The following RIPOR3 variants were observed in gnomAD, a reference collection of about 807,000 sequenced individuals.
RIPOR3 encodes the protein RIPOR family member 3.
RIPOR3 carries 95 observed loss-of-function variants against 114.3 expected under a neutral mutation model. The observed-to-expected ratio is 0.83, with a 90% confidence interval of 0.70 to 0.99. The LOEUF (loss-of-function observed/expected upper bound fraction) is 0.99. Ranked by LOEUF, RIPOR3 falls within the 50% of genes least tolerant of loss-of-function variation. RIPOR3 has a pLI of 0.00. For synonymous variants in RIPOR3, 575 were observed against 543.8 expected, an observed-to-expected ratio of 1.06 and a Z score of -0.80; for missense variants, 1,252 against 1,266.9, an observed-to-expected ratio of 0.99 and a Z score of 0.18.
chr20:50,589,680 G>A lies in RIPOR3; in HGVS notation c.2661+6C>T. On this transcript the variant is annotated splice_donor_region_variant and intron_variant, in intron 20 of 21. Transcript: ENST00000327979. The stretch of plus-strand genomic sequence containing the variant: ...TCAGCCACTAATGGGGAAACGTCAG[G>A]CTCACCTTGAGGTGTTTGAGCGCTA... 6.2e-7 allele frequency: 1 copy of A among 1,613,414 alleles called. No individual in the cohort carries two copies. The highest frequency in any genetic ancestry group is 8.5e-7 in the Non-Finnish European group (1 of 1,179,626).
intron 1 of RIPOR3, among the ~76,000 whole-genome samples, chr20:50,635,676 A>T (rs2084959517): frequency 6.6e-6 from 1 of 152,076 alleles, no homozygotes; most frequent in African/African-American, 2.4e-5. Flanking sequence ...GAAGGAAAGA[A>T]GGAAAGGAAA....
intron 1 of RIPOR3, among the ~76,000 whole-genome samples, chr20:50,689,104 C>A (rs1010887527): frequency 6.6e-6 from 1 of 152,116 alleles, no homozygotes; most frequent in African/African-American, 2.4e-5. Context: ...CCTTCATTCC[C>A]GCCTCCTCCA....
Position 50,597,621 on chromosome 20 carries a change from G to A in RIPOR3, c.1749C>T (p.Ala583=). ...ESFAFLNADF[A]LDELSLFGGS... ...CCCCAAACAGGGACAGCTCATCCAG[G>A]GCGAAGTCGGCATTGAGGAAGGCGA... The change falls in exon 14 of 22, where the codon GCC becomes GCT. Residue 583 remains alanine (A), a synonymous_variant. Transcript: ENST00000327979. 6.2e-7 allele frequency: 1 copy of A among 1,611,604 alleles called. No individual in the cohort carries two copies. Among genetic ancestry groups the A allele is most frequent in the Non-Finnish European group, 8.5e-7 (1 of 1,178,866 alleles).
At chr20:50,633,146 C>T (rs2084873540) in intron 1 of RIPOR3, among the ~76,000 whole-genome samples, 1 of 152,116 alleles carries the variant, frequency 6.6e-6, no homozygotes, top group Non-Finnish European at 1.5e-5. Flanking sequence ...CCTGTAATCC[C>T]AGCTACTCGG....
chr20:50,654,425 T>G (rs1405284351), intron 1 of RIPOR3, among the ~76,000 whole-genome samples: 1 of 123,418 alleles, frequency 8.1e-6, no homozygotes, highest in African/African-American at 3.2e-5. Context: ...AGGCAGAGTT[T>G]TTTTTTTTTT....
intron 2 of RIPOR3, among the ~76,000 whole-genome samples, chr20:50,626,268 C>T (rs1299529040): frequency 2.0e-5 from 3 of 152,234 alleles, no homozygotes; most frequent in Non-Finnish European, 2.9e-5. Context: ...CACAAGGGGG[C>T]GGCAGAGGCC....
At position 50,602,475 on chromosome 20, in the gene RIPOR3, T is replaced by G; in HGVS notation, c.1256A>C (p.Glu419Ala). 1 of 1,548,966 alleles carries G rather than the reference T, an allele frequency of 6.5e-7. No homozygotes were observed. The highest frequency in any genetic ancestry group is 8.7e-7 in the Non-Finnish European group (1 of 1,143,586). Reference protein sequence around the residue: ...SFSSEDPRDTETSTSASTSDV... With the variant: ...SFSSEDPRDTATSTSASTSDV... ...TGAGGTGGACGCCGACGTGCTGGTC[T>G]CCGTGTCTCGGGGGTCCTCAGAGCT... The change falls in exon 13 of 22, where the codon GAG (glutamate) becomes GCG (alanine). Residue 419 changes from glutamate to alanine, a missense_variant. By Grantham distance (107) the Glu-to-Ala change is moderately radical (BLOSUM62 -1). Transcript: ENST00000327979. The surrounding 1 kb of genome is among the most constrained non-coding windows in gnomAD (Gnocchi z 4.3).
chr20:50,629,662 C>T (rs766999702), intron 2 of RIPOR3, among the ~76,000 whole-genome samples: 1 of 152,216 alleles, frequency 6.6e-6, no homozygotes, highest in African/African-American at 2.4e-5. Flanking sequence ...GGTAACCCCC[C>T]ACAGCACCAG....
intron 1 of RIPOR3, among the ~76,000 whole-genome samples, chr20:50,686,313 C>T (rs1300810478): frequency 1.3e-5 from 2 of 152,046 alleles, no homozygotes; most frequent in Admixed American, 6.6e-5. Flanking sequence ...GCCTCGGCCT[C>T]CCAGAGTGCT....
intron 15 of RIPOR3, 55 bp downstream of exon 15, chr20:50,596,085 A>G (rs1470745111): frequency 6.8e-6 from 11 of 1,608,996 alleles, no homozygotes; most frequent in East Asian, 2.2e-5. Context: ...GCCTTTGCAA[A>G]GAGGACTCCA....
intron 6 of RIPOR3, among the ~76,000 whole-genome samples, 157 bp downstream of exon 6, chr20:50,610,696 G>A (rs1366003692): frequency 6.6e-6 from 1 of 152,120 alleles, no homozygotes; most frequent in Admixed American, 6.6e-5. Flanking sequence ...CAACTGGCCC[G>A]AGGCCCCTGC....
intron 11 of RIPOR3, 70 bp downstream of exon 11, chr20:50,608,319 C>A: frequency 4.4e-6 from 7 of 1,597,964 alleles, no homozygotes; most frequent in Non-Finnish European, 6.0e-6. Context: ...GAACCCAGGG[C>A]CAGAGTGTGG....
chr20:50,597,390 C>G (rs1410445300), intron 14 of RIPOR3, 190 bp downstream of exon 14: 1 of 802,204 alleles, frequency 1.2e-6, no homozygotes, highest in Non-Finnish European at 1.9e-6. Flanking sequence ...TTCGTGGTCT[C>G]TGAGGACCGG....
chr20:50,608,247 G>T, intron 11 of RIPOR3, 142 bp downstream of exon 11: 2 of 1,145,320 alleles, frequency 1.7e-6, no homozygotes, highest in South Asian at 1.5e-5. Flanking sequence ...ACTGAGGGGT[G>T]GGAGTGAGGG....
chr20:50,689,418 C>T (rs1003989402), intron 1 of RIPOR3, among the ~76,000 whole-genome samples: 7 of 152,154 alleles, frequency 4.6e-5, no homozygotes, highest in African/African-American at 1.2e-4. Flanking sequence ...TCAGGTGATC[C>T]GCCTGCCTTG....
chr20:50,640,645 C>G (rs2085158102), intron 1 of RIPOR3, among the ~76,000 whole-genome samples: 3 of 149,902 alleles, frequency 2.0e-5, no homozygotes, highest in Admixed American at 2.0e-4. Flanking sequence ...CTCCGCAGGG[C>G]TGGACAGCAG....
chr20:50,632,422 C>T (rs1302846876), intron 1 of RIPOR3, among the ~76,000 whole-genome samples: 3 of 152,158 alleles, frequency 2.0e-5, no homozygotes, highest in African/African-American at 7.2e-5. Context: ...TGGCTAAGAC[C>T]CCAGCTCTGC....
chr20:50,595,553 A>G, intron 15 of RIPOR3, 49 bp from the exon 16 acceptor site: 1 of 1,599,512 alleles, frequency 6.3e-7, no homozygotes, highest in Non-Finnish European at 8.5e-7. Context: ...ATGCCCACCG[A>G]GGTCAGCTGT....
intron 13 of RIPOR3, among the ~76,000 whole-genome samples, chr20:50,601,702 A>G (rs2083498664): frequency 1.3e-5 from 2 of 152,056 alleles, no homozygotes; most frequent in Non-Finnish European, 2.9e-5. Flanking sequence ...GGATGAGGCA[A>G]ACAGGGAACT....
Sources: allele counts gnomAD v4.1 joint callset (sites outside exome capture counted in the v4.1 genomes callset), GRCh38; gene constraint gnomAD v4.1.1; non-coding constraint Gnocchi (gnomAD v3.1); transcripts MANE v1.5; gene names NCBI Gene and HGNC (gene_info 2026-07-23, HGNC 2026-07-21).